The following C12orf42 variants were observed in gnomAD, a reference collection of about 807,000 sequenced individuals.
C12orf42 encodes chromosome 12 open reading frame 42.
C12orf42 carries 25 observed loss-of-function variants against 21.6 expected under a neutral mutation model. That is an observed-to-expected ratio of 1.16 (90% CI 0.84 to 1.62). The LOEUF is 1.62. Among genes scored for constraint, C12orf42 ranks in the 40% most tolerant of loss-of-function variants. The pLI, the probability that C12orf42 is intolerant of heterozygous loss-of-function variation, is 0.00. For synonymous variants in C12orf42, 174 were observed against 175.0 expected (o/e 0.99, Z 0.05); for missense variants, 483 against 459.3 (o/e 1.05, Z -0.47).
At chr12:103,522,512 A>T in the C12orf42 span, among the ~76,000 whole-genome samples, 3 of 152,172 alleles carry the variant, frequency 2.0e-5, no homozygotes, top group African/African-American at 7.2e-5. Flanking sequence ...TCTCCAGCAC[A>T]GCCCCAGCCA....
the C12orf42 span, among the ~76,000 whole-genome samples, chr12:103,187,306 T>A: frequency 4.6e-5 from 7 of 152,308 alleles, no homozygotes; most frequent in Admixed American, 1.3e-4. Flanking sequence ...ATTAACTGCC[T>A]TACAGAATAA....
chr12:103,490,613 GA>G (rs746370445), intron 1 of C12orf42, among the ~76,000 whole-genome samples: 3 of 151,650 alleles, frequency 2.0e-5, no homozygotes, highest in Non-Finnish European at 4.4e-5. Flanking sequence ...TAATTTTCTA[GA>G]ATTTTTAGAA....
At chr12:103,556,378 G>A in the C12orf42 span, among the ~76,000 whole-genome samples, 2 of 152,178 alleles carry the variant, frequency 1.3e-5, no homozygotes, top group East Asian at 3.8e-4. Context: ...ATCATAGACT[G>A]AAAATCGGGG....
the C12orf42 span, among the ~76,000 whole-genome samples, chr12:103,137,451 G>A: frequency 1.3e-5 from 2 of 151,084 alleles, no homozygotes; most frequent in Non-Finnish European, 2.9e-5. Context: ...TGTGGAAACA[G>A]TAAGATTTCT....
chr12:103,367,951 TAA>T, intron 4 of C12orf42: 3 of 722,726 alleles, frequency 4.2e-6, no homozygotes, highest in Non-Finnish European at 4.0e-6. Context: ...CATATAAATA[TAA>T]GTGAATGAAT....
At chr12:103,130,340 A>G in the C12orf42 span, among the ~76,000 whole-genome samples, 1 of 150,444 alleles carries the variant, frequency 6.6e-6, no homozygotes, top group Admixed American at 6.7e-5. Context: ...CCATATTCTA[A>G]AAATTCCATA....
the C12orf42 span, among the ~76,000 whole-genome samples, chr12:103,120,710 T>A: frequency 6.7e-6 from 1 of 149,766 alleles, no homozygotes; most frequent in South Asian, 2.1e-4. Context: ...ATTATTACTA[T>A]AATATCTGTT....
the C12orf42 span, among the ~76,000 whole-genome samples, chr12:103,546,476 C>A: frequency 6.6e-6 from 1 of 152,018 alleles, no homozygotes; most frequent in African/African-American, 2.4e-5. Flanking sequence ...GCTTAGATGA[C>A]AGGTTGAACA....
the C12orf42 span, among the ~76,000 whole-genome samples, chr12:103,111,591 A>G: frequency 6.6e-6 from 1 of 152,204 alleles, no homozygotes; most frequent in Non-Finnish European, 1.5e-5. Context: ...GAGAAATGGT[A>G]GACAGATTCA....
At chr12:103,130,209 A>T in the C12orf42 span, among the ~76,000 whole-genome samples, 1 of 151,720 alleles carries the variant, frequency 6.6e-6, no homozygotes, top group Non-Finnish European at 1.5e-5. Flanking sequence ...AACTACTACT[A>T]CTGTCTTCAA....
chr12:103,111,370 T>C, the C12orf42 span, among the ~76,000 whole-genome samples: 1 of 152,230 alleles, frequency 6.6e-6, no homozygotes, highest in African/African-American at 2.4e-5. Flanking sequence ...TCCTACTAGT[T>C]GGTTTATTCC....
the C12orf42 span, among the ~76,000 whole-genome samples, chr12:103,507,969 G>T: frequency 6.6e-6 from 1 of 152,180 alleles, no homozygotes; most frequent in Non-Finnish European, 1.5e-5. Context: ...CCTGTGTGAA[G>T]TGAGAGGGCT....
At chr12:103,135,080 A>G in the C12orf42 span, among the ~76,000 whole-genome samples, 1 of 152,224 alleles carries the variant, frequency 6.6e-6, no homozygotes, top group Non-Finnish European at 1.5e-5. Flanking sequence ...TTCCTAGACA[A>G]GCAAAAACTT....
chr12:103,055,594 C>G, the C12orf42 span, among the ~76,000 whole-genome samples: 422 of 151,910 alleles, frequency 2.8e-3, 1 homozygote, highest in Non-Finnish European at 5.5e-3. Context: ...CCTTCTGTTG[C>G]TTTTGGCTTA....
At chr12:103,283,680 T>C (rs1419739230) in intron 4 of C12orf42, among the ~76,000 whole-genome samples, 1 of 152,180 alleles carries the variant, frequency 6.6e-6, no homozygotes, top group Non-Finnish European at 1.5e-5. Context: ...AGTCATTTTC[T>C]CCTATTATGC....
At chr12:103,057,672 G>A in the C12orf42 span, among the ~76,000 whole-genome samples, 1 of 152,078 alleles carries the variant, frequency 6.6e-6, no homozygotes, top group Admixed American at 6.6e-5. Flanking sequence ...ACATGTGCAT[G>A]TGTCTTTATA....
rs138394021 is a variant in C12orf42, at chr12:103,363,004, G to T, written c.259+5883C>A. On this transcript the variant is annotated intron_variant, in intron 4 of 5. Transcript: ENST00000548883. ...ATACAAGAAGCTCAGAGAACACCTG[G>T]GAAATTCACTGTGAAAAGATCATCA... 1.3e-3 allele frequency among the ~76,000 whole-genome samples: 205 copies of T among 152,100 alleles called. 2 individuals carry two copies. Among genetic ancestry groups the T allele is most frequent in the African/African-American group, 4.6e-3 (193 of 41,530 alleles).
At chr12:103,238,606 A>G (rs1395917003) in intron 10 of C12orf42, among the ~76,000 whole-genome samples, 1 of 152,184 alleles carries the variant, frequency 6.6e-6, no homozygotes, top group Non-Finnish European at 1.5e-5. Flanking sequence ...GGAAAACCCA[A>G]CAACTGTTGT....
the C12orf42 span, among the ~76,000 whole-genome samples, chr12:103,071,186 A>C: frequency 2.0e-5 from 3 of 152,126 alleles, no homozygotes. Context: ...GCTGCGTTTT[A>C]AAAAACTATC....
Sources: gnomAD v4.1 joint callset for allele counts (sites outside exome capture counted in the v4.1 genomes callset) on GRCh38, gnomAD v4.1.1 for gene constraint, MANE v1.5 for transcripts, NCBI Gene and HGNC (gene_info 2026-07-23, HGNC 2026-07-21) for gene names.